The following MDFIC variants were observed in gnomAD, a reference collection of about 807,000 sequenced individuals.
The protein encoded by MDFIC is myoD family inhibitor domain-containing protein.
Under a neutral mutation model 23.2 loss-of-function variants are expected in MDFIC, and 17 were observed. The ratio of observed to expected loss-of-function variants is 0.73; its 90% CI spans 0.50 to 1.10. The LOEUF is 1.10. Among genes scored for constraint, MDFIC ranks in the 50% least tolerant of loss-of-function variants. MDFIC has a pLI of 0.00. For synonymous variants in MDFIC, 120 were observed against 115.2 expected, an observed-to-expected ratio of 1.04 and a Z score of -0.27; for missense variants, 356 against 316.6, an observed-to-expected ratio of 1.12 and a Z score of -0.95.
intron 3 of MDFIC, among the ~76,000 whole-genome samples, chr7:114,945,834 A>G (rs1195434741): frequency 6.6e-6 from 1 of 152,136 alleles, no homozygotes; most frequent in Non-Finnish European, 1.5e-5. Flanking sequence ...TTATTTTATG[A>G]CTTTTTATCC....
intron 2 of MDFIC, among the ~76,000 whole-genome samples, chr7:114,928,511 C>T (rs1030494316): frequency 1.3e-5 from 2 of 152,140 alleles, no homozygotes; most frequent in Non-Finnish European, 1.5e-5. Flanking sequence ...GGTTGTAGGA[C>T]TCAGTTCTGT....
chr7:114,936,408 A>G (rs1792424182), intron 2 of MDFIC, among the ~76,000 whole-genome samples: 1 of 152,172 alleles, frequency 6.6e-6, no homozygotes, highest in East Asian at 1.9e-4. Flanking sequence ...TTATGGAGAT[A>G]ATATTATTGC....
chr7:114,995,060 T>C (rs1413805550), intron 4 of MDFIC, among the ~76,000 whole-genome samples: 1 of 152,198 alleles, frequency 6.6e-6, no homozygotes, highest in Non-Finnish European at 1.5e-5. Context: ...TTACTCTATT[T>C]TCTCTAAACT....
At chr7:114,962,061 G>T (rs1159144809) in intron 3 of MDFIC, among the ~76,000 whole-genome samples, 1 of 152,118 alleles carries the variant, frequency 6.6e-6, no homozygotes, top group Non-Finnish European at 1.5e-5. Context: ...AATGAAGTGG[G>T]TTCTTACATA....
At chr7:115,014,232 A>G (rs146114008) in intron 4 of MDFIC, 4 of 985,354 alleles carry the variant, frequency 4.1e-6, no homozygotes, top group African/African-American at 3.5e-5. Context: ...GGAGTTTAGG[A>G]TGGGATGCTT....
chr7:115,014,045 C>A (rs9649374), intron 4 of MDFIC: 89,636 of 985,154 alleles, frequency 0.091, 4,581 homozygotes, highest in East Asian at 0.25. Context: ...AACAGTGTGT[C>A]CTTCTACAAA....
chr7:115,000,433 T>C (rs569926673), intron 4 of MDFIC, among the ~76,000 whole-genome samples: 2 of 152,336 alleles, frequency 1.3e-5, no homozygotes, highest in African/African-American at 4.8e-5. Flanking sequence ...GGGTATTCTA[T>C]GTTATGGATT....
At chr7:114,962,227 T>C (rs2115869336) in intron 3 of MDFIC, among the ~76,000 whole-genome samples, 1 of 152,258 alleles carries the variant, frequency 6.6e-6, no homozygotes, top group Non-Finnish European at 1.5e-5. Flanking sequence ...AATGGACAAA[T>C]TGAAGCAGAG....
chr7:114,962,025 G>A (rs1328236782), intron 3 of MDFIC, among the ~76,000 whole-genome samples: 1 of 152,132 alleles, frequency 6.6e-6, no homozygotes, highest in Non-Finnish European at 1.5e-5. Context: ...TTATTTAGAT[G>A]ACTTAGATTC....
chr7:114,977,363 G>C lies in MDFIC; in HGVS notation c.218-2143G>C, dbSNP rs370848765. On this transcript the variant is annotated intron_variant, in intron 3 of 4. Coordinates refer to ENST00000393486, the MANE Select transcript of MDFIC (RefSeq NM_001166345.3). ...GGATCATGTCCATCCATTCAGTAGG[G>C]CTGTTCTGTTGAAAACCCCACTGCT... Among the ~76,000 whole-genome samples the C allele has an allele frequency of 6.6e-5, 10 of 152,144 alleles. No individual in the cohort carries two copies. In the East Asian group the frequency reaches 9.7e-4, roughly 15 times the overall value.
At chr7:114,938,662 T>A (rs1792479434) in intron 2 of MDFIC, among the ~76,000 whole-genome samples, 1 of 152,212 alleles carries the variant, frequency 6.6e-6, no homozygotes, top group African/African-American at 2.4e-5. Context: ...GGCCCCCTTT[T>A]AAGAGAAAAT....
Position 115,016,803 on chromosome 7 carries a change from C to T in MDFIC, c.*868C>T, listed in dbSNP as rs1287903793. The T allele has an allele frequency of 2.0e-5, 3 of 152,352 alleles. No individual in the cohort carries two copies. The highest frequency in any genetic ancestry group is 2.1e-4 in the South Asian group (1 of 4,832). The allele number at this position is 152,352 out of a possible 1,614,324, so 9.4% of individuals were successfully genotyped here. On this transcript the variant is annotated 3_prime_UTR_variant, in exon 5 of 5. Transcript: ENST00000393486. ...CACTTGTTCAACAGACTCTGAATGC[C>T]GACTGTGTGGACTCTCTTCCTCAGA... is the stretch of plus-strand genomic sequence containing the variant.
chr7:114,979,498 T>C lies in MDFIC; in HGVS notation c.218-8T>C. 1 of 1,574,298 alleles carries C rather than the reference T, an allele frequency of 6.4e-7. No individual in the cohort carries two copies. The highest frequency in any genetic ancestry group is 1.4e-5 in the African/African-American group (1 of 73,112). On this transcript the variant is annotated splice_polypyrimidine_tract_variant and splice_region_variant and intron_variant, in intron 3 of 4. Coordinates refer to ENST00000393486, the MANE Select transcript of MDFIC (RefSeq NM_001166345.3). The stretch of plus-strand genomic sequence containing the variant: ...TAACTGGCTGACTTTTTCCTGTTTT[T>C]AATTTAGCCCAACCTCAGCGCTTGC...
chr7:114,998,609 A>G (rs1380489289), intron 4 of MDFIC, among the ~76,000 whole-genome samples: 2 of 152,180 alleles, frequency 1.3e-5, no homozygotes, highest in Non-Finnish European at 2.9e-5. Context: ...TCATTAACTG[A>G]AAGTACTTCT....
intron 4 of MDFIC, among the ~76,000 whole-genome samples, chr7:115,011,632 T>C (rs1791684311): frequency 6.6e-6 from 1 of 152,258 alleles, no homozygotes; most frequent in African/African-American, 2.4e-5. Flanking sequence ...TTGTAAATCT[T>C]ATTTACTAAA....
At chr7:114,928,294 G>C (rs1199091634) in intron 2 of MDFIC, among the ~76,000 whole-genome samples, 2 of 151,728 alleles carry the variant, frequency 1.3e-5, no homozygotes, top group African/African-American at 4.8e-5. Flanking sequence ...AGGTTGAACT[G>C]TTTAAGAACT....
intron 4 of MDFIC, among the ~76,000 whole-genome samples, chr7:114,997,479 G>A (rs1791357979): frequency 1.3e-5 from 2 of 151,716 alleles, no homozygotes; most frequent in South Asian, 4.2e-4. Context: ...ACCTGGGGCA[G>A]TGGCTCACAT....
chr7:114,924,446 C>T (rs1792151158), intron 2 of MDFIC, among the ~76,000 whole-genome samples: 1 of 152,208 alleles, frequency 6.6e-6, no homozygotes, highest in Admixed American at 6.5e-5. Flanking sequence ...CTAATATCTA[C>T]AATATCCAAC....
intron 3 of MDFIC, among the ~76,000 whole-genome samples, chr7:114,961,677 G>A (rs1290350085): frequency 6.6e-6 from 1 of 152,148 alleles, no homozygotes; most frequent in East Asian, 1.9e-4. Flanking sequence ...GGGGAAACAG[G>A]CACATAATTA....
Sources: gnomAD v4.1 joint callset for allele counts (sites outside exome capture counted in the v4.1 genomes callset) on GRCh38, gnomAD v4.1.1 for gene constraint, MANE v1.5 for transcripts, NCBI Gene and HGNC (gene_info 2026-07-23, HGNC 2026-07-21) for gene names.